Variants in RBSN observed in about 807,000 individuals in gnomAD.
RBSN encodes the protein rabenosyn-5.
A neutral mutation model predicts 60.5 loss-of-function variants in RBSN; 34 were observed. That is an observed-to-expected ratio of 0.56 (90% CI 0.43 to 0.75). The LOEUF is 0.75. RBSN is among the 30% of genes least tolerant of loss of function. The pLI is 0.00. For synonymous variants in RBSN, 322 were observed against 366.9 expected (o/e 0.88, Z 1.40); for missense variants, 845 against 986.8 (o/e 0.86, Z 1.92).
In RBSN at chr3:15,075,245, C is replaced by T. The variant is rs2080262514; in HGVS notation, c.1207-315G>A. The T allele has an allele frequency of 5.2e-6, 3 of 577,694 alleles. No individual in the cohort carries two copies. The Admixed American group carries it at 8.0e-5, about 15-fold the overall frequency. 35.8% of individuals were successfully genotyped at this position (577,694 alleles called of 1,614,324 possible). On this transcript the variant is annotated intron_variant, in intron 13 of 13. Coordinates refer to ENST00000253699, the MANE Select transcript of RBSN (RefSeq NM_022340.4). Reference sequence around the variant, plus strand: ...CCCTCATCTACACTGGAATCTCACGCAGCGTTAAATACACATATAATTTTC... The same window carrying T: ...CCCTCATCTACACTGGAATCTCACGTAGCGTTAAATACACATATAATTTTC...
At chr3:15,075,177 A>G in intron 13 of RBSN, 1 of 585,448 alleles carries the variant, frequency 1.7e-6, no homozygotes, top group Non-Finnish European at 3.0e-6. Context: ...TCAATCTTAG[A>G]TTCACAGGCC....
chr3:15,096,297 G>A lies in RBSN; in HGVS notation c.-168-9C>T. 1.7e-6 allele frequency: 1 copy of A among 589,252 alleles called. No individual in the cohort carries two copies. The highest frequency in any genetic ancestry group is 1.9e-5 in the African/African-American group (1 of 52,426). 36.5% of individuals were successfully genotyped at this position (589,252 alleles called of 1,614,324 possible). On this transcript the variant is annotated splice_polypyrimidine_tract_variant and intron_variant, in intron 3 of 13. Coordinates refer to ENST00000253699, the MANE Select transcript of RBSN (RefSeq NM_022340.4). ...CTGGAGTAGGAGGAGCCCTAAGAAA[G>A]AAAAGAAGAAGGGAAAAAAGCCAAT... is the stretch of plus-strand genomic sequence containing the variant.
At position 15,077,332 on chromosome 3, in the gene RBSN, T is replaced by C. The variant is rs1553590857; in HGVS notation, c.999-168A>G. Among the ~76,000 whole-genome samples, 1 of 152,078 alleles carries C rather than the reference T, an allele frequency of 6.6e-6. No homozygotes were observed. Among genetic ancestry groups the C allele is most frequent in the Non-Finnish European group, 1.5e-5 (1 of 67,948 alleles). On this transcript the variant is annotated intron_variant, in intron 11 of 13. Coordinates refer to ENST00000253699, the MANE Select transcript of RBSN (RefSeq NM_022340.4). The surrounding 1 kb of genome is among the most constrained non-coding windows in gnomAD (Gnocchi z 4.4). ...AAGGCAAAGCCCATTTCTTACCCTT[T>C]GGCTGTACACAGGCCTTAGCAAAGG...
chr3:15,092,792 G>C (rs139094598), intron 4 of RBSN, among the ~76,000 whole-genome samples: 42 of 152,284 alleles, frequency 2.8e-4, no homozygotes, highest in African/African-American at 9.6e-4. Flanking sequence ...ATGTGAGTTA[G>C]CAAGTAACAA....
chr3:15,082,304 G>A lies in RBSN; in HGVS notation c.840+63C>T. The A allele has an allele frequency of 2.5e-6, 4 of 1,580,024 alleles. No homozygotes were observed. The highest frequency in any genetic ancestry group is 1.1e-5 in the South Asian group (1 of 87,662). On this transcript the variant is annotated intron_variant, in intron 9 of 13. Transcript: ENST00000253699. This position sits in a 1 kb window ranked among gnomAD's most constrained non-coding sequence, Gnocchi z 4.2. ...AGCATTCTCCAGAATCTGCAGGAGT[G>A]TACATAACAAACAGCCAAATCTGCC...
rs199726466 is a variant in RBSN at position 15,082,472 on chromosome 3, G to A, written c.735C>T (p.Asp245=). The A allele has an allele frequency of 1.1e-5, 17 of 1,614,096 alleles. No individual in the cohort carries two copies. The highest frequency in any genetic ancestry group is 4.5e-5 in the East Asian group (2 of 44,876). The change falls in exon 9 of 14, where the codon GAC becomes GAT. Residue 245 remains aspartate (D), a synonymous_variant. Coordinates refer to ENST00000253699, the MANE Select transcript of RBSN (RefSeq NM_022340.4). The surrounding 1 kb of genome is among the most constrained non-coding windows in gnomAD (Gnocchi z 4.2). ...GTGTACAGCAGCGGATCCGGTCATC[G>A]TCCTTCTCATCCAGGACCGAGCTGA... ...SSVSSVLDEK[D]DDRIRCCTHC...
In RBSN at chr3:15,086,872, T is replaced by G. The variant is rs554555015; in HGVS notation, c.290-911A>C. On this transcript the variant is annotated intron_variant, in intron 5 of 13. Transcript: ENST00000253699. ...TGTCTGCAACACAAATAGCTTACTG[T>G]CTGAGTAACCTGAAATATCCCCTGC... Among the ~76,000 whole-genome samples the G allele has an allele frequency of 1.4e-4, 22 of 152,282 alleles. No individual in the cohort carries two copies. The South Asian group carries it at 4.6e-3, about 32-fold the overall frequency.
chr3:15,095,617 G>T (rs758774970), intron 4 of RBSN: 2 of 415,484 alleles, frequency 4.8e-6, no homozygotes, highest in Non-Finnish European at 8.5e-6. Context: ...GCAAAGGAAA[G>T]AAATTCCTCT....
At position 15,085,901 on chromosome 3, in the gene RBSN, T is replaced by C; in HGVS notation, c.350A>G (p.Tyr117Cys). 6.2e-7 allele frequency: 1 copy of C among 1,614,034 alleles called. No homozygotes were observed. Among genetic ancestry groups the C allele is most frequent in the South Asian group, 1.1e-5 (1 of 91,082 alleles). The change falls in exon 6 of 14, where the codon TAT (tyrosine) becomes TGT (cysteine). Residue 117 changes from tyrosine (Y) to cysteine (C), a missense_variant. Transcript: ENST00000253699. ...TATTAGTTTATTGACTTCCACAACA[T>C]AGTGGTCAATTCTAGCAGCTCGGTG... ...KKHRAARIDH[Y>C]VVEVNKLIIR...
intron 13 of RBSN, chr3:15,075,287 T>C (rs2043025621): frequency 4.9e-6 from 3 of 608,656 alleles, no homozygotes; most frequent in Middle Eastern, 2.6e-4. Context: ...ATATTGCATA[T>C]ACCGATATGT....
Position 15,096,063 on chromosome 3 carries a change from G to C in RBSN, c.58C>G (p.Leu20Val), listed in dbSNP as rs766633514. Residue 20 changes from leucine (L) to valine (V), a missense_variant, in exon 4 of 14, where the codon CTG becomes GTG. Leu to Val is a conservative substitution (Grantham distance 32). Transcript: ENST00000253699. ...VREGFLCPLCLKDLQSFYQLH... is the reference protein window; with the variant it reads ...VREGFLCPLCVKDLQSFYQLH... ...TGATAGAAAGACTGCAGATCCTTCA[G>C]GCACAGAGGGCAGAGGAAGCCCTCC... 5 of 1,613,094 alleles carry C rather than the reference G, an allele frequency of 3.1e-6. No homozygotes were observed. The highest frequency in any genetic ancestry group is 1.7e-6 in the Non-Finnish European group (2 of 1,179,436).
Position 15,074,048 on chromosome 3 carries a change from G to C in RBSN, c.2089C>G (p.Pro697Ala), listed in dbSNP as rs1559337898. 1 of 1,614,060 alleles carries C rather than the reference G, an allele frequency of 6.2e-7. No individual in the cohort carries two copies. The highest frequency in any genetic ancestry group is 2.2e-5 in the East Asian group (1 of 44,862). Residue 697 changes from proline to alanine, a missense_variant, in exon 14 of 14, where the codon CCC (proline) becomes GCC (alanine). Physicochemically the swap from Pro to Ala is conservative, Grantham distance 27 (BLOSUM62 -1). Coordinates refer to ENST00000253699, the MANE Select transcript of RBSN (RefSeq NM_022340.4). This position sits in a 1 kb window ranked among gnomAD's most constrained non-coding sequence, Gnocchi z 6.4. ...PNPFSEEDEH[P>A]QQRLSSPLVP... ...AGAGGGCTTGAGAGCCTCTGCTGGG[G>C]ATGTTCGTCTTCCTCACTGAAGGGG...
At position 15,074,218 on chromosome 3, in the gene RBSN, G is replaced by C. The variant is rs771138617; in HGVS notation, c.1919C>G (p.Ala640Gly). The C allele has an allele frequency of 1.2e-6, 2 of 1,609,008 alleles. No homozygotes were observed. The highest frequency in any genetic ancestry group is 1.7e-6 in the Non-Finnish European group (2 of 1,177,356). ...EEDLSSPMEE[A>G]TTGPPAAGVS... The stretch of plus-strand genomic sequence containing the variant: ...CCCTGCAGCAGGAGGACCAGTAGTG[G>C]CCTCTTCCATGGGGCTGGAGAGGTC... Residue 640 changes from alanine to glycine, a missense_variant, in exon 14 of 14, where the codon GCC becomes GGC. Physicochemically the swap from Ala to Gly is moderately conservative, Grantham distance 60. Coordinates refer to ENST00000253699, the MANE Select transcript of RBSN (RefSeq NM_022340.4). The surrounding 1 kb of genome is among the most constrained non-coding windows in gnomAD (Gnocchi z 6.4).
Position 15,073,824 on chromosome 3 carries a change from C to T in RBSN, c.2313G>A (p.Glu771=), listed in dbSNP as rs1439813389. Residue 771 remains glutamate, a synonymous_variant, in exon 14 of 14, where the codon GAG becomes GAA. Coordinates refer to ENST00000253699, the MANE Select transcript of RBSN (RefSeq NM_022340.4). The part of the protein sequence containing the change: ...EVEVLTENLR[E]LKHTLAKQKG... ...TCTGCTTGGCCAGGGTGTGCTTCAGCTCCCGCAGATTCTCTGTCAGCACCT... is the reference window on the plus strand; with the variant it reads ...TCTGCTTGGCCAGGGTGTGCTTCAGTTCCCGCAGATTCTCTGTCAGCACCT... The T allele has an allele frequency of 3.1e-6, 5 of 1,612,448 alleles. No homozygotes were observed. The highest frequency in any genetic ancestry group is 1.3e-5 in the African/African-American group (1 of 74,882).
rs146141673 is a variant in RBSN, at chr3:15,073,789, G to C, written c.2348C>G (p.Thr783Ser). 257 of 1,600,182 alleles carry C rather than the reference G, an allele frequency of 1.6e-4. No individual in the cohort carries two copies. Among genetic ancestry groups the C allele is most frequent in the Non-Finnish European group, 2.2e-4 (253 of 1,174,064 alleles). The change falls in exon 14 of 14, where the codon ACT becomes AGT. Residue 783 changes from threonine (T) to serine (S), a missense_variant. Physicochemically the swap from Thr to Ser is moderately conservative, Grantham distance 58. Coordinates refer to ENST00000253699, the MANE Select transcript of RBSN (RefSeq NM_022340.4). ...KHTLAKQKGGTD is the reference protein window; with the variant it reads ...KHTLAKQKGGSD ...TGCCCTCTCCACTGCTGGTCAGTCA[G>C]TGCCCCCCTTCTGCTTGGCCAGGGT...
chr3:15,098,482 A>AC (rs2043732534), intron 1 of RBSN, among the ~76,000 whole-genome samples: 2 of 117,302 alleles, frequency 1.7e-5, no homozygotes, highest in Non-Finnish European at 3.3e-5. Flanking sequence ...AAAAAAATAA[A>AC]TATAGCTACA....
chr3:15,074,475 G>A lies in RBSN; in HGVS notation c.1662C>T (p.Ile554=), dbSNP rs757079272. The part of the protein sequence containing the change: ...TRTRSLDFRE[I]GPFQLEPSRE... ...TGCTGGGCTCCAGCTGAAAAGGGCC[G>A]ATTTCTCTGAAGTCCAGGGACCGAG... The change falls in exon 14 of 14, where the codon ATC becomes ATT. Residue 554 remains isoleucine, a synonymous_variant. Coordinates refer to ENST00000253699, the MANE Select transcript of RBSN (RefSeq NM_022340.4). This position sits in a 1 kb window ranked among gnomAD's most constrained non-coding sequence, Gnocchi z 6.4. The A allele has an allele frequency of 1.1e-5, 17 of 1,614,116 alleles. No individual in the cohort carries two copies. The highest frequency in any genetic ancestry group is 4.5e-5 in the East Asian group (2 of 44,894).
chr3:15,096,144 G>A lies in RBSN; in HGVS notation c.-24C>T. On this transcript the variant is annotated 5_prime_UTR_variant, in exon 4 of 14. Coordinates refer to ENST00000253699, the MANE Select transcript of RBSN (RefSeq NM_022340.4). Reference sequence around the variant, plus strand: ...ATGGCAGTGCCGCTCTCAACCCTAGGAAGGCAGGAATCTCATGCCAAGAGT... The same window carrying A: ...ATGGCAGTGCCGCTCTCAACCCTAGAAAGGCAGGAATCTCATGCCAAGAGT... The A allele has an allele frequency of 6.5e-7, 1 of 1,535,212 alleles. No homozygotes were observed. Among genetic ancestry groups the A allele is most frequent in the Non-Finnish European group, 8.7e-7 (1 of 1,144,992 alleles).
chr3:15,089,858 A>G (rs2043461839), intron 5 of RBSN, among the ~76,000 whole-genome samples: 1 of 152,162 alleles, frequency 6.6e-6, no homozygotes, highest in Non-Finnish European at 1.5e-5. Context: ...TCGGCCTCCC[A>G]AAGTGCTGGG....
Sources: allele counts gnomAD v4.1 joint callset (sites outside exome capture counted in the v4.1 genomes callset), GRCh38; gene constraint gnomAD v4.1.1; non-coding constraint Gnocchi (gnomAD v3.1); transcripts MANE v1.5; gene names NCBI Gene and HGNC (gene_info 2026-07-23, HGNC 2026-07-21).